LIMCH1: variants seen among roughly 807,000 people sequenced by gnomAD.
LIMCH1 encodes the protein LIM and calponin homology domains-containing protein 1.
A neutral mutation model predicts 176.5 loss-of-function variants in LIMCH1; 113 were observed. That is an observed-to-expected ratio of 0.64 (90% CI 0.55 to 0.75). The LOEUF is 0.75. Among genes scored for constraint, LIMCH1 ranks in the 30% least tolerant of loss-of-function variants. The pLI is 0.00. For missense variants in LIMCH1, 1,674 were observed against 1,814.9 expected, an observed-to-expected ratio of 0.92 and a Z score of 1.41; for synonymous variants, 619 against 645.9, an observed-to-expected ratio of 0.96 and a Z score of 0.63.
At chr4:41,386,735 T>C (rs2056547401) in intron 1 of LIMCH1, among the ~76,000 whole-genome samples, 1 of 152,174 alleles carries the variant, frequency 6.6e-6, no homozygotes, top group Non-Finnish European at 1.5e-5. Flanking sequence ...ACATGGAACA[T>C]TCTGGTCTGT....
chr4:41,406,998 A>G (rs1160198079), intron 1 of LIMCH1, among the ~76,000 whole-genome samples: 1 of 152,146 alleles, frequency 6.6e-6, no homozygotes, highest in Non-Finnish European at 1.5e-5. Context: ...TTCTAGGCAT[A>G]TGCACCTATC....
At chr4:41,650,169 A>G (rs752592789) in intron 17 of LIMCH1, among the ~76,000 whole-genome samples, 1 of 152,202 alleles carries the variant, frequency 6.6e-6, no homozygotes, top group Non-Finnish European at 1.5e-5. Context: ...ATCTATAGTG[A>G]AGTGGCCCAA....
At chr4:41,503,157 A>G (rs1177199657) in intron 2 of LIMCH1, among the ~76,000 whole-genome samples, 1 of 152,196 alleles carries the variant, frequency 6.6e-6, no homozygotes, top group Non-Finnish European at 1.5e-5. Flanking sequence ...CTAGCTTTGC[A>G]ATCCCAGCAG....
At chr4:41,665,694 C>T (rs1016045743) in intron 20 of LIMCH1, among the ~76,000 whole-genome samples, 6 of 152,116 alleles carry the variant, frequency 3.9e-5, no homozygotes, top group Non-Finnish European at 7.4e-5. Flanking sequence ...TATACAGCCA[C>T]GCTCCTCATT....
chr4:41,405,774 T>C (rs192666329), intron 1 of LIMCH1, among the ~76,000 whole-genome samples: 188 of 152,050 alleles, frequency 1.2e-3, no homozygotes, highest in South Asian at 2.5e-3. Flanking sequence ...GCATGTATTA[T>C]GTATCAATGA....
intron 1 of LIMCH1, among the ~76,000 whole-genome samples, chr4:41,561,893 G>A (rs1041528839): frequency 1.3e-5 from 2 of 152,130 alleles, no homozygotes; most frequent in Non-Finnish European, 2.9e-5. Flanking sequence ...CTTGAAAATG[G>A]TATTTAAGAA....
At chr4:41,509,449 C>T (rs2074576196) in intron 2 of LIMCH1, among the ~76,000 whole-genome samples, 1 of 152,192 alleles carries the variant, frequency 6.6e-6, no homozygotes, top group African/African-American at 2.4e-5. Context: ...CCTTAGCAGA[C>T]TGGGAAGAAT....
chr4:41,624,844 T>C (rs1283970456), intron 7 of LIMCH1, among the ~76,000 whole-genome samples: 2 of 152,186 alleles, frequency 1.3e-5, no homozygotes, highest in Non-Finnish European at 2.9e-5. Context: ...AGAGCTTTTC[T>C]TCCCCCTCAC....
chr4:41,524,140 T>C (rs2152413345), intron 2 of LIMCH1, among the ~76,000 whole-genome samples: 1 of 152,350 alleles, frequency 6.6e-6, no homozygotes. Flanking sequence ...CTCCCCCTTG[T>C]CCTTTTCCTT....
intron 1 of LIMCH1, among the ~76,000 whole-genome samples, chr4:41,572,416 T>C (rs995218251): frequency 7.9e-5 from 12 of 152,140 alleles, no homozygotes; most frequent in Admixed American, 6.5e-5. Flanking sequence ...ATACTAGTTT[T>C]TTTTACTTAA....
intron 5 of LIMCH1, among the ~76,000 whole-genome samples, chr4:41,618,658 TA>T (rs2092327331): frequency 1.3e-5 from 2 of 152,340 alleles, no homozygotes; most frequent in East Asian, 3.9e-4. Context: ...ACCCTTGGTA[TA>T]ATCCGAATTG....
At chr4:41,446,160 A>C (rs971212559) in intron 1 of LIMCH1, among the ~76,000 whole-genome samples, 1 of 152,102 alleles carries the variant, frequency 6.6e-6, no homozygotes, top group Non-Finnish European at 1.5e-5. Context: ...GTTCAATTGG[A>C]ACATCGTGGG....
At chr4:41,637,436 T>C (rs964830352) in intron 13 of LIMCH1, among the ~76,000 whole-genome samples, 1 of 152,202 alleles carries the variant, frequency 6.6e-6, no homozygotes, top group African/African-American at 2.4e-5. Context: ...GCAATCTGCC[T>C]GCCTTGGCCT....
chr4:41,479,924 T>A (rs541011552), intron 1 of LIMCH1, among the ~76,000 whole-genome samples: 1 of 152,362 alleles, frequency 6.6e-6, no homozygotes, highest in South Asian at 2.1e-4. Context: ...ATCGTTGAAG[T>A]GGCAAATTTG....
chr4:41,629,610 G>C lies in LIMCH1; in HGVS notation c.1147G>C (p.Ala383Pro). 1 of 1,536,080 alleles carries C rather than the reference G, an allele frequency of 6.5e-7. No homozygotes were observed. Among genetic ancestry groups the C allele is most frequent in the Non-Finnish European group, 8.7e-7 (1 of 1,146,900 alleles). The part of the protein sequence containing the change: ...KVPDLHKDDL[A>P]QQRIQGSLAP... ...GCCAGATCTTCACAAGGATGACCTG[G>C]CCCAGCAGAGAATTCAGGGCAGCCT... is the stretch of plus-strand genomic sequence containing the variant. The change falls in exon 9 of 32, where the codon GCC (alanine) becomes CCC (proline). Residue 383 changes from alanine to proline, a missense_variant. Physicochemically the swap from Ala to Pro is conservative, Grantham distance 27. Coordinates refer to ENST00000503057, the MANE Select transcript of LIMCH1 (RefSeq NM_001330672.2).
chr4:41,626,826 C>G lies in LIMCH1; in HGVS notation c.844C>G (p.Arg282Gly). Residue 282 changes from arginine (R) to glycine (G), a missense_variant, in exon 8 of 32, where the codon CGA becomes GGA. Transcript: ENST00000503057. The part of the protein sequence containing the change: ...DSEAEGEVVC[R>G]LPDLEKDDFA... ...AGAGGCAGAAGGTGAAGTTGTGTGT[C>G]GACTGCCTGATCTTGAGAAGGATGA... is the stretch of plus-strand genomic sequence containing the variant. 1 of 1,536,154 alleles carries G rather than the reference C, an allele frequency of 6.5e-7. No homozygotes were observed. The highest frequency in any genetic ancestry group is 8.7e-7 in the Non-Finnish European group (1 of 1,146,908).
intron 1 of LIMCH1, among the ~76,000 whole-genome samples, chr4:41,369,680 T>TG (rs1477332377): frequency 1.2e-4 from 18 of 152,118 alleles, no homozygotes; most frequent in Non-Finnish European, 2.1e-4. Flanking sequence ...ACGAATTTTT[T>TG]TTGTGTGTGT....
At chr4:41,645,263 C>G (rs977124602) in intron 15 of LIMCH1, among the ~76,000 whole-genome samples, 1 of 152,196 alleles carries the variant, frequency 6.6e-6, no homozygotes, top group Non-Finnish European at 1.5e-5. Context: ...TTAATTCTCA[C>G]AAAGCACTCT....
chr4:41,590,624 G>A (rs944483935), intron 1 of LIMCH1, among the ~76,000 whole-genome samples: 2 of 152,172 alleles, frequency 1.3e-5, no homozygotes, highest in African/African-American at 4.8e-5. Flanking sequence ...TCTCTTCTGT[G>A]ATCCGCTGTG....
Sources: gnomAD v4.1 joint callset for allele counts (sites outside exome capture counted in the v4.1 genomes callset) on GRCh38, gnomAD v4.1.1 for gene constraint, MANE v1.5 for transcripts, NCBI Gene and HGNC (gene_info 2026-07-23, HGNC 2026-07-21) for gene names.